The following ASAP1 variants were observed in gnomAD, a reference collection of about 807,000 sequenced individuals.
ASAP1 encodes arf-GAP with SH3 domain, ANK repeat and PH domain-containing protein 1.
A neutral mutation model predicts 145.2 loss-of-function variants in ASAP1; 43 were observed. The observed-to-expected ratio is 0.30, with a 90% CI of 0.23 to 0.38. The LOEUF (loss-of-function observed/expected upper bound fraction) is 0.38, where lower values mean the gene tolerates loss of function less well. ASAP1 is among the 10% of genes least tolerant of loss of function. The pLI is 1.00. For synonymous variants in ASAP1, 546 were observed against 515.5 expected, an observed-to-expected ratio of 1.06 and a Z score of -0.80; for missense variants, 1,018 against 1,355.3, an observed-to-expected ratio of 0.75 and a Z score of 3.91.
chr8:130,255,394 T>C (rs1339437088), intron 3 of ASAP1, among the ~76,000 whole-genome samples: 1 of 152,228 alleles, frequency 6.6e-6, no homozygotes, highest in East Asian at 1.9e-4. Context: ...ACCTAATAAA[T>C]GTTTTATGTG....
In ASAP1 at chr8:130,311,761, C is replaced by CA. The variant is rs201264577; in HGVS notation, c.186+46255dup. On this transcript the variant is annotated intron_variant, in intron 3 of 29. Coordinates refer to ENST00000518721, the MANE Select transcript of ASAP1 (RefSeq NM_018482.4). ...GGGCAACAAGAGCGAAACTCCGTCT[C>CA]AAAAAAAAAAAAAAGGCAAAATAAG... 5.5e-3 allele frequency among the ~76,000 whole-genome samples: 467 copies of CA among 85,352 alleles called. 21 individuals are homozygous for CA. The highest frequency in any genetic ancestry group is 7.5e-3 in the Admixed American group (59 of 7,882). The allele number at this position is 85,352 out of a possible 152,430, so 56.0% of individuals were successfully genotyped here.
chr8:130,101,839 C>A (rs187636685), intron 24 of ASAP1, among the ~76,000 whole-genome samples: 3 of 148,652 alleles, frequency 2.0e-5, no homozygotes, highest in Non-Finnish European at 4.4e-5. Context: ...TCCTAAAGTG[C>A]TGGGATTACA....
At chr8:130,391,412 TA>T (rs899337173) in intron 2 of ASAP1, among the ~76,000 whole-genome samples, 2 of 152,254 alleles carry the variant, frequency 1.3e-5, no homozygotes, top group African/African-American at 4.8e-5. Context: ...GAATTGTTCT[TA>T]AAAACAGTTA....
In ASAP1 at chr8:130,118,552, A is replaced by G; in HGVS notation, c.1731T>C (p.Leu577=). Residue 577 remains leucine (L), a synonymous_variant, in exon 19 of 30, where the codon CTT becomes CTC. Transcript: ENST00000518721. ...CTTCTGCATAGACTTGAATTAGTGC[A>G]AGTAAATCCCTGGATTTGATGGCCT... The part of the protein sequence containing the change: ...LLEAIKSRDL[L]ALIQVYAEGV... 6.2e-7 allele frequency: 1 copy of G among 1,614,178 alleles called. No individual in the cohort carries two copies. Among genetic ancestry groups the G allele is most frequent in the South Asian group, 1.1e-5 (1 of 91,082 alleles).
At chr8:130,105,950 A>AT (rs1281820526) in intron 24 of ASAP1, among the ~76,000 whole-genome samples, 1 of 152,190 alleles carries the variant, frequency 6.6e-6, no homozygotes, top group African/African-American at 2.4e-5. Context: ...CTTAGGGCTG[A>AT]TTCTTTAACA....
chr8:130,289,164 C>T lies in ASAP1; in HGVS notation c.187-52170G>A, dbSNP rs549699799. ...TGGTGCCACGGCACTCCAGCCTGGG[C>T]GACAGAGCAAGACTCCATCTCAAAA... On this transcript the variant is annotated intron_variant, in intron 3 of 29. Transcript: ENST00000518721. 3.3e-5 allele frequency among the ~76,000 whole-genome samples: 5 copies of T among 151,906 alleles called. No individual in the cohort carries two copies. In the South Asian group the frequency reaches 6.2e-4, roughly 19 times the overall value.
chr8:130,321,918 G>A (rs543628772), intron 3 of ASAP1, among the ~76,000 whole-genome samples: 263 of 152,290 alleles, frequency 1.7e-3, no homozygotes, highest in Non-Finnish European at 3.1e-3. Context: ...CAAGTGTCCA[G>A]CATTATACCT....
At chr8:130,224,974 C>A (rs1043125999) in intron 4 of ASAP1, among the ~76,000 whole-genome samples, 2 of 152,202 alleles carry the variant, frequency 1.3e-5, no homozygotes, top group Non-Finnish European at 1.5e-5. Flanking sequence ...GGGGCTAATT[C>A]TCTTCAACCA....
chr8:130,434,516 C>T (rs1221201127), intron 1 of ASAP1, among the ~76,000 whole-genome samples: 1 of 152,148 alleles, frequency 6.6e-6, no homozygotes, highest in African/African-American at 2.4e-5. Flanking sequence ...AGTAATGACA[C>T]ATATTAACGA....
At chr8:130,193,428 T>C (rs1325353657) in intron 5 of ASAP1, among the ~76,000 whole-genome samples, 2 of 152,060 alleles carry the variant, frequency 1.3e-5, no homozygotes, top group African/African-American at 4.8e-5. Flanking sequence ...TCTGCTTTAA[T>C]TATTTCTGAA....
intron 24 of ASAP1, among the ~76,000 whole-genome samples, chr8:130,103,567 G>A (rs1055947183): frequency 2.0e-5 from 3 of 152,042 alleles, no homozygotes; most frequent in South Asian, 2.1e-4. Flanking sequence ...GCAGTGACGC[G>A]ATCTCGGCTC....
At chr8:130,406,657 A>G (rs1829044588) in intron 1 of ASAP1, among the ~76,000 whole-genome samples, 1 of 151,680 alleles carries the variant, frequency 6.6e-6, no homozygotes, top group Non-Finnish European at 1.5e-5. Context: ...AATTTTTTGT[A>G]TTTTTAGTAG....
chr8:130,174,307 C>T (rs4733570), intron 9 of ASAP1, among the ~76,000 whole-genome samples: 17,550 of 152,124 alleles, frequency 0.12, 1,112 homozygotes, highest in Non-Finnish European at 0.14. Context: ...AAGTGAAGCA[C>T]ATGTGTGAGT....
intron 3 of ASAP1, among the ~76,000 whole-genome samples, chr8:130,257,594 G>A (rs1819636769): frequency 6.6e-6 from 1 of 151,894 alleles, no homozygotes; most frequent in Non-Finnish European, 1.5e-5. Flanking sequence ...CTCAAAATCT[G>A]TGCCCAACTA....
intron 3 of ASAP1, among the ~76,000 whole-genome samples, chr8:130,338,742 C>T (rs1209609692): frequency 1.3e-5 from 2 of 152,194 alleles, no homozygotes; most frequent in Non-Finnish European, 2.9e-5. Flanking sequence ...TGAGGACAAT[C>T]CCATCTCCCC....
intron 3 of ASAP1, among the ~76,000 whole-genome samples, chr8:130,346,450 A>AT (rs1161833786): frequency 2.0e-5 from 3 of 152,042 alleles, no homozygotes; most frequent in Admixed American, 6.6e-5. Flanking sequence ...GCATATCTGC[A>AT]TTTTTTTTCT....
chr8:130,443,146 C>T (rs1008737741), intron 1 of ASAP1, among the ~76,000 whole-genome samples: 4 of 152,022 alleles, frequency 2.6e-5, no homozygotes, highest in African/African-American at 9.7e-5. Flanking sequence ...ACGCGAAACC[C>T]CCCAGGGCGG....
intron 3 of ASAP1, among the ~76,000 whole-genome samples, chr8:130,339,789 A>C (rs149789592): frequency 6.6e-6 from 1 of 152,302 alleles, no homozygotes; most frequent in African/African-American, 2.4e-5. Flanking sequence ...GTGGAAAATG[A>C]GATGGTTGAC....
chr8:130,148,734 T>C (rs1485058507), intron 13 of ASAP1, among the ~76,000 whole-genome samples: 1 of 152,244 alleles, frequency 6.6e-6, no homozygotes, highest in African/African-American at 2.4e-5. Flanking sequence ...GATATTTATT[T>C]ATACTACAAT....
Sources: allele counts gnomAD v4.1 joint callset (sites outside exome capture counted in the v4.1 genomes callset), GRCh38; gene constraint gnomAD v4.1.1; transcripts MANE v1.5; gene names NCBI Gene and HGNC (gene_info 2026-07-23, HGNC 2026-07-21).